The following FBXL2 variants were observed in gnomAD, a reference collection of about 807,000 sequenced individuals.
FBXL2 encodes the protein F-box/LRR-repeat protein 2.
A neutral mutation model predicts 69.2 loss-of-function variants in FBXL2; 38 were observed. The observed-to-expected ratio is 0.55, with a 90% CI of 0.42 to 0.72. FBXL2 has a LOEUF of 0.72. Among genes scored for constraint, FBXL2 ranks in the 30% least tolerant of loss-of-function variants. The pLI is 0.00. For missense variants in FBXL2, 354 were observed against 520.3 expected, an observed-to-expected ratio of 0.68 and a Z score of 3.11; for synonymous variants, 192 against 201.3, an observed-to-expected ratio of 0.95 and a Z score of 0.39.
chr3:33,286,491 C>G (rs190639847), intron 1 of FBXL2, among the ~76,000 whole-genome samples: 5 of 152,296 alleles, frequency 3.3e-5, no homozygotes, highest in Non-Finnish European at 7.4e-5. Flanking sequence ...GGTCAGGGAC[C>G]CACTTGAGGA....
At chr3:33,293,957 A>G (rs1299088371) in intron 1 of FBXL2, among the ~76,000 whole-genome samples, 1 of 152,244 alleles carries the variant, frequency 6.6e-6, no homozygotes, top group African/African-American at 2.4e-5. Flanking sequence ...TCTTCAGGAC[A>G]GACATATGTA....
downstream of FBXL2, among the ~76,000 whole-genome samples, chr3:33,403,833 G>A (rs908456167): frequency 1.3e-5 from 2 of 152,164 alleles, no homozygotes; most frequent in African/African-American, 4.8e-5. Context: ...TCACTTTACA[G>A]GTATTCTTTC....
intron 2 of FBXL2, among the ~76,000 whole-genome samples, chr3:33,301,901 A>G (rs553722071): frequency 1.3e-5 from 2 of 152,078 alleles, no homozygotes; most frequent in South Asian, 2.1e-4. Context: ...AACTCTTCTT[A>G]TTTATTAGTT....
Position 33,385,704 on chromosome 3 carries a change from T to C in FBXL2, c.*96T>C. On this transcript the variant is annotated 3_prime_UTR_variant, in exon 15 of 15. Transcript: ENST00000484457. ...CTCCACCATCACCCAATCTGTTGAT[T>C]CTCCATTGGGAAAGGCATTTACAGG... 1 of 978,772 alleles carries C rather than the reference T, an allele frequency of 1.0e-6. No homozygotes were observed. The highest frequency in any genetic ancestry group is 1.4e-5 in the South Asian group (1 of 72,680). The allele number at this position is 978,772 out of a possible 1,614,324, so 60.6% of individuals were successfully genotyped here. A position where few individuals can be genotyped will look rare whatever the true frequency, so the allele number is the denominator to read the frequency against.
At position 33,377,283 on chromosome 3, in the gene FBXL2, G is replaced by T; in HGVS notation, c.799G>T (p.Ala267Ser). 6.2e-7 allele frequency: 1 copy of T among 1,614,130 alleles called. No individual in the cohort carries two copies. The highest frequency in any genetic ancestry group is 8.5e-7 in the Non-Finnish European group (1 of 1,180,010). The change falls in exon 11 of 15, where the codon GCT becomes TCT. Residue 267 changes from alanine to serine, a missense_variant. Coordinates refer to ENST00000484457, the MANE Select transcript of FBXL2 (RefSeq NM_012157.5). ...CCACTTTCTCCTCAGAATTTTGGAG[G>T]CTGCCCGATGCTCCCATTTGACTGA... is the stretch of plus-strand genomic sequence containing the variant. ...LNCPRLQILEAARCSHLTDAG... is the reference protein window; with the variant it reads ...LNCPRLQILESARCSHLTDAG...
rs117203506 is a variant in FBXL2, at chr3:33,295,828, C to T, written c.4-1836C>T. 2.0e-4 allele frequency among the ~76,000 whole-genome samples: 30 copies of T among 152,270 alleles called. No homozygotes were observed. The East Asian group carries it at 5.2e-3, about 26-fold the overall frequency. On this transcript the variant is annotated intron_variant, in intron 1 of 14. Coordinates refer to ENST00000484457, the MANE Select transcript of FBXL2 (RefSeq NM_012157.5). ...TTGACTTACCCTTGTCTTACCCTTA[C>T]GTTGAACATCTTTTCATGTATGTAT... is the stretch of plus-strand genomic sequence containing the variant.
At chr3:33,409,633 A>C in the FBXL2 span, 1 of 1,613,818 alleles carries the variant, frequency 6.2e-7, no homozygotes, top group Non-Finnish European at 8.5e-7. Context: ...AATGGATTCA[A>C]AGAACTTCCA....
intron 1 of FBXL2, chr3:33,289,622 C>A (rs1157052878): frequency 8.1e-6 from 2 of 247,814 alleles, no homozygotes; most frequent in Non-Finnish European, 1.3e-5. Flanking sequence ...GAGAAGTCAA[C>A]AGTTACTGAC....
chr3:33,336,225 T>A (rs995002134), intron 2 of FBXL2, among the ~76,000 whole-genome samples: 5 of 151,594 alleles, frequency 3.3e-5, no homozygotes, highest in African/African-American at 4.9e-5. Flanking sequence ...CAACACAGAG[T>A]AGTATATTAG....
intron 1 of FBXL2, among the ~76,000 whole-genome samples, chr3:33,280,183 T>G (rs1396378046): frequency 2.0e-5 from 3 of 152,198 alleles, no homozygotes; most frequent in Non-Finnish European, 4.4e-5. Context: ...AAGGAATTAA[T>G]AAAGACATGA....
At chr3:33,366,794 C>G (rs1297112876) in intron 5 of FBXL2, among the ~76,000 whole-genome samples, 3 of 152,036 alleles carry the variant, frequency 2.0e-5, no homozygotes, top group African/African-American at 7.2e-5. Context: ...GAAACCCTGT[C>G]TCTACTAAAA....
chr3:33,383,908 G>C, intron 13 of FBXL2, 81 bp from the exon 14 acceptor site: 1 of 1,394,000 alleles, frequency 7.2e-7, no homozygotes, highest in Non-Finnish European at 1.0e-6. Flanking sequence ...AGGGCAAAAA[G>C]GCTAGCTTCC....
chr3:33,281,709 G>T (rs1039974848), intron 1 of FBXL2, among the ~76,000 whole-genome samples: 5 of 152,192 alleles, frequency 3.3e-5, no homozygotes, highest in African/African-American at 1.2e-4. Context: ...AGCACCTGTT[G>T]TTTCCTGACT....
At chr3:33,330,941 A>G (rs2039110004) in intron 2 of FBXL2, among the ~76,000 whole-genome samples, 1 of 151,404 alleles carries the variant, frequency 6.6e-6, no homozygotes, top group African/African-American at 2.4e-5. Context: ...AAATATATCT[A>G]TATCATATAA....
At chr3:33,306,933 G>A (rs548282516) in intron 2 of FBXL2, among the ~76,000 whole-genome samples, 1 of 152,014 alleles carries the variant, frequency 6.6e-6, no homozygotes, top group Non-Finnish European at 1.5e-5. Context: ...TTATAAACAG[G>A]CACTTCAGTT....
chr3:33,380,631 A>G (rs530268164), intron 13 of FBXL2, among the ~76,000 whole-genome samples: 7 of 151,804 alleles, frequency 4.6e-5, no homozygotes, highest in African/African-American at 1.7e-4. Context: ...AGGGATAACT[A>G]TCACTGTGGC....
intron 2 of FBXL2, among the ~76,000 whole-genome samples, chr3:33,320,102 G>A (rs1349502923): frequency 6.6e-6 from 1 of 152,084 alleles, no homozygotes; most frequent in Non-Finnish European, 1.5e-5. Context: ...GGAATTTTGG[G>A]GGGGACATTT....
rs2041567842 is a variant in FBXL2 at position 33,360,915 on chromosome 3, GA to G, written c.195+1560del. On this transcript the variant is annotated intron_variant, in intron 4 of 14. Transcript: ENST00000484457. ...ACAACTTTTTTGGAAAGCACATGAA[GA>G]ACTTTTTTTTTTTTTTTTTTTTTTT... is the stretch of plus-strand genomic sequence containing the variant. Among the ~76,000 whole-genome samples the G allele has an allele frequency of 4.6e-5, 5 of 108,976 alleles. No homozygotes were observed. In the South Asian group the frequency reaches 1.7e-3, roughly 36 times the overall value. 71.5% of individuals were successfully genotyped at this position (108,976 alleles called of 152,430 possible).
At chr3:33,409,281 T>A in the FBXL2 span, 1 of 1,614,204 alleles carries the variant, frequency 6.2e-7, no homozygotes, top group Non-Finnish European at 8.5e-7. Flanking sequence ...ACTTTTCTTT[T>A]TCATGAGCTG....
Sources: allele counts gnomAD v4.1 joint callset (sites outside exome capture counted in the v4.1 genomes callset), GRCh38; gene constraint gnomAD v4.1.1; transcripts MANE v1.5; gene names NCBI Gene and HGNC (gene_info 2026-07-23, HGNC 2026-07-21).